Variants in C9orf85 observed in about 807,000 individuals in gnomAD.
C9orf85 encodes the protein uncharacterized protein C9orf85.
Under a neutral mutation model 14.9 loss-of-function variants are expected in C9orf85, and 16 were observed. The ratio of observed to expected loss-of-function variants is 1.08; its 90% CI spans 0.73 to 1.63. C9orf85 has a LOEUF of 1.63. C9orf85 is among the 40% of genes most tolerant of loss of function. The pLI is 0.00. For synonymous variants in C9orf85, 45 were observed against 56.8 expected, an observed-to-expected ratio of 0.79 and a Z score of 0.93; for missense variants, 172 against 186.1, an observed-to-expected ratio of 0.92 and a Z score of 0.44.
At chr9:71,932,239 G>T (rs1564086479) in intron 1 of C9orf85, among the ~76,000 whole-genome samples, 1 of 152,144 alleles carries the variant, frequency 6.6e-6, no homozygotes, top group African/African-American at 2.4e-5. Flanking sequence ...TACACACTCA[G>T]TTTGCCTTGG....
chr9:71,972,098 T>C (rs1822889738), intron 3 of C9orf85, among the ~76,000 whole-genome samples: 2 of 151,956 alleles, frequency 1.3e-5, no homozygotes. Context: ...TGAAACTATA[T>C]TTTTAAGAAA....
chr9:71,966,504 A>G (rs1476848103), intron 2 of C9orf85, among the ~76,000 whole-genome samples: 2 of 152,146 alleles, frequency 1.3e-5, no homozygotes, highest in Non-Finnish European at 2.9e-5. Flanking sequence ...GGAGGTTTGA[A>G]TTTTTCCCCT....
intron 1 of C9orf85, among the ~76,000 whole-genome samples, chr9:71,914,384 G>T (rs1827592461): frequency 1.3e-5 from 2 of 151,734 alleles, no homozygotes; most frequent in Admixed American, 1.3e-4. Context: ...TTTATGTGTG[G>T]CCCAAGACAA....
intron 1 of C9orf85, among the ~76,000 whole-genome samples, chr9:71,939,211 T>G (rs1428955600): frequency 6.6e-6 from 1 of 151,912 alleles, no homozygotes; most frequent in African/African-American, 2.4e-5. Context: ...TGCTATATTA[T>G]TGTATGATTT....
At chr9:71,928,833 T>C (rs189025606) in intron 1 of C9orf85, among the ~76,000 whole-genome samples, 19 of 152,362 alleles carry the variant, frequency 1.2e-4, no homozygotes, top group Non-Finnish European at 2.5e-4. Context: ...GCATTCTTCA[T>C]TAAGAATATA....
intron 1 of C9orf85, among the ~76,000 whole-genome samples, chr9:71,918,945 GA>G (rs1325338315): frequency 1.5e-5 from 2 of 133,646 alleles, no homozygotes; most frequent in African/African-American, 2.9e-5. Context: ...CCTAGTCCAT[GA>G]AAAAATTGTC....
chr9:71,935,432 G>T (rs1056422138), intron 1 of C9orf85, among the ~76,000 whole-genome samples: 1 of 152,012 alleles, frequency 6.6e-6, no homozygotes, highest in Admixed American at 6.6e-5. Context: ...GCCTTAAAAA[G>T]GAAGGAAATT....
At chr9:71,974,650 T>G (rs1822970512), downstream of C9orf85, among the ~76,000 whole-genome samples, 1 of 152,236 alleles carries the variant, frequency 6.6e-6, no homozygotes, top group African/African-American at 2.4e-5. Flanking sequence ...GGTAGACCTG[T>G]GCATTTCTGT....
intron 2 of C9orf85, among the ~76,000 whole-genome samples, chr9:71,949,995 G>A (rs570899650): frequency 2.2e-4 from 33 of 152,166 alleles, no homozygotes; most frequent in African/African-American, 6.5e-4. Flanking sequence ...ATGCCAAAGC[G>A]CCATATTTTG....
intron 3 of C9orf85, among the ~76,000 whole-genome samples, chr9:71,980,062 A>T (rs7859872): frequency 0.94 from 139,273 of 148,542 alleles, 65,924 homozygotes; most frequent in East Asian, 1. Context: ...CACCCAGGCT[A>T]GAGTGCAGTG....
intron 1 of C9orf85, among the ~76,000 whole-genome samples, chr9:71,939,709 C>T (rs943801952): frequency 6.6e-6 from 1 of 152,130 alleles, no homozygotes; most frequent in African/African-American, 2.4e-5. Context: ...GATTTCAAGA[C>T]TTACCATAAA....
intron 2 of C9orf85, among the ~76,000 whole-genome samples, chr9:71,961,638 T>C (rs1000643417): frequency 5.9e-5 from 9 of 152,162 alleles, no homozygotes; most frequent in Non-Finnish European, 1.2e-4. Context: ...TTGATAGCTC[T>C]TTGTATCACA....
At chr9:71,958,265 AAT>A (rs939629851) in intron 2 of C9orf85, among the ~76,000 whole-genome samples, 27 of 19,530 alleles carry the variant, frequency 1.4e-3, no homozygotes, top group South Asian at 4.3e-3. Context: ...TATATATATA[AAT>A]TTTTTTTTTT....
intron 1 of C9orf85, among the ~76,000 whole-genome samples, chr9:71,936,709 C>T (rs1185883974): frequency 6.6e-6 from 1 of 151,220 alleles, no homozygotes; most frequent in Admixed American, 6.6e-5. Context: ...GTTCATAACA[C>T]GCCTTGCTGA....
chr9:71,948,706 T>C (rs1288334938), intron 2 of C9orf85, among the ~76,000 whole-genome samples: 1 of 151,294 alleles, frequency 6.6e-6, no homozygotes, highest in African/African-American at 2.4e-5. Context: ...ATTTTTTTGG[T>C]AGAAACAAGA....
intron 2 of C9orf85, among the ~76,000 whole-genome samples, chr9:71,964,194 C>A (rs1040294018): frequency 2.0e-5 from 3 of 152,056 alleles, no homozygotes; most frequent in African/African-American, 7.2e-5. Context: ...CGTGGAGAAC[C>A]TTTGTGTCTA....
chr9:71,923,055 A>G (rs1236948011), intron 1 of C9orf85, among the ~76,000 whole-genome samples: 1 of 152,184 alleles, frequency 6.6e-6, no homozygotes, highest in Admixed American at 6.5e-5. Context: ...GCATGAACCC[A>G]GTAGGCAGAG....
At chr9:71,984,093 T>C (rs1344781046), downstream of C9orf85, 1 of 152,202 alleles carries the variant, frequency 6.6e-6, no homozygotes, top group Non-Finnish European at 1.5e-5. Flanking sequence ...TAAGAAACTG[T>C]TGATGTAACC....
intron 1 of C9orf85, among the ~76,000 whole-genome samples, chr9:71,941,225 A>G (rs1284519826): frequency 6.6e-6 from 1 of 152,230 alleles, no homozygotes; most frequent in East Asian, 1.9e-4. Context: ...ATTCAGGCAA[A>G]GATCATGAGT....
Sources: allele counts gnomAD v4.1 joint callset (sites outside exome capture counted in the v4.1 genomes callset), GRCh38; gene constraint gnomAD v4.1.1; transcripts MANE v1.5; gene names NCBI Gene and HGNC (gene_info 2026-07-23, HGNC 2026-07-21).